The following TMEM232 variants were observed in gnomAD, a reference collection of about 807,000 sequenced individuals.
The protein encoded by TMEM232 is transmembrane protein 232.
TMEM232 carries 80 observed loss-of-function variants against 78.8 expected under a neutral mutation model. The observed-to-expected ratio is 1.01, with a 90% CI of 0.85 to 1.22. The LOEUF is 1.22. TMEM232 is among the 50% of genes most tolerant of loss of function. The pLI, the probability that TMEM232 is intolerant of heterozygous loss-of-function variation, is 0.00. For missense variants in TMEM232, 881 were observed against 742.2 expected, an observed-to-expected ratio of 1.19 and a Z score of -2.17; for synonymous variants, 297 against 254.3, an observed-to-expected ratio of 1.17 and a Z score of -1.60.
intron 11 of TMEM232, among the ~76,000 whole-genome samples, chr5:110,545,195 A>T (rs1240158694): frequency 6.6e-6 from 1 of 152,082 alleles, no homozygotes; most frequent in East Asian, 1.9e-4. Context: ...TAGAAATATT[A>T]GAGCCTTTGA....
rs866883358 is a variant in TMEM232, at chr5:110,655,914, G to A, written c.125+11314C>T. Among the ~76,000 whole-genome samples the A allele has an allele frequency of 5.8e-3, 622 of 107,604 alleles. 5 individuals are homozygous for A. Among genetic ancestry groups the A allele is most frequent in the African/African-American group, 0.021 (580 of 27,632 alleles). 70.6% of individuals were successfully genotyped at this position (107,604 alleles called of 152,430 possible). A position where few individuals can be genotyped will look rare whatever the true frequency, so the allele number is the denominator to read the frequency against. On this transcript the variant is annotated intron_variant, in intron 2 of 13. Transcript: ENST00000455884. Reference sequence around the variant, plus strand: ...CACTCTGGGGACTGTTGTGGGGTGGGGGGAGGGGGGAGGGATAGCATTAGG... The same window carrying A: ...CACTCTGGGGACTGTTGTGGGGTGGAGGGAGGGGGGAGGGATAGCATTAGG...
intron 12 of TMEM232, among the ~76,000 whole-genome samples, chr5:110,467,865 C>G (rs974568544): frequency 2.0e-5 from 3 of 152,138 alleles, no homozygotes; most frequent in Admixed American, 6.5e-5. Context: ...ATCCAAGATT[C>G]TAGTCTAGCA....
chr5:110,407,050 AG>A (rs1755817436), intron 2 of TMEM232, among the ~76,000 whole-genome samples: 1 of 152,132 alleles, frequency 6.6e-6, no homozygotes, highest in Non-Finnish European at 1.5e-5. Flanking sequence ...ATAACTACAA[AG>A]GAAGACAATA....
chr5:110,554,245 A>G (rs559507010), intron 11 of TMEM232, among the ~76,000 whole-genome samples: 50 of 152,250 alleles, frequency 3.3e-4, no homozygotes, highest in African/African-American at 1.1e-3. Context: ...CTAGAATATA[A>G]GCAGGCAGAA....
intron 4 of TMEM232, among the ~76,000 whole-genome samples, chr5:110,389,186 A>G (rs1194031774): frequency 1.3e-5 from 2 of 152,066 alleles, no homozygotes; most frequent in African/African-American, 4.8e-5. Context: ...TCTTGAACCT[A>G]GGAGGCGGAG....
chr5:110,512,576 A>C (rs1035279612), intron 12 of TMEM232, among the ~76,000 whole-genome samples: 2 of 152,182 alleles, frequency 1.3e-5, no homozygotes, highest in African/African-American at 4.8e-5. Context: ...AGTTACTTGG[A>C]AACATCAATT....
chr5:110,599,500 A>G lies in TMEM232; in HGVS notation c.1276+5609T>C, dbSNP rs564668761. Among the ~76,000 whole-genome samples the G allele has an allele frequency of 5.8e-4, 89 of 152,262 alleles. 1 individual carries two copies. In the South Asian group the frequency reaches 0.012, roughly 20 times the overall value. ...CATTTACCAAGCAAATGGAAAGCAA[A>G]AATGCAGGGATTGCAATCCTAGTCT... On this transcript the variant is annotated intron_variant, in intron 10 of 13. Coordinates refer to ENST00000455884, the MANE Select transcript of TMEM232 (RefSeq NM_001039763.4).
intron 11 of TMEM232, among the ~76,000 whole-genome samples, chr5:110,550,034 A>G (rs1394169446): frequency 6.6e-6 from 1 of 152,226 alleles, no homozygotes; most frequent in East Asian, 1.9e-4. Flanking sequence ...TTATGGAACA[A>G]TCACATGCAT....
intron 7 of TMEM232, among the ~76,000 whole-genome samples, chr5:110,619,129 T>C (rs992849478): frequency 3.9e-5 from 6 of 152,154 alleles, no homozygotes; most frequent in African/African-American, 1.4e-4. Context: ...ACTAAAGTAA[T>C]TGGTAGAAAA....
chr5:110,666,643 TTAA>T (rs1490465984), intron 2 of TMEM232: 1 of 152,172 alleles, frequency 6.6e-6, no homozygotes, highest in Non-Finnish European at 1.5e-5. Context: ...ATTCAGTTTT[TTAA>T]TGATATATTT....
intron 2 of TMEM232, among the ~76,000 whole-genome samples, chr5:110,646,431 G>A (rs1269008248): frequency 6.6e-6 from 1 of 151,728 alleles, no homozygotes; most frequent in Non-Finnish European, 1.5e-5. Flanking sequence ...TATATCTACA[G>A]TCAACTGATC....
chr5:110,697,708 C>T (rs1333662777), intron 1 of TMEM232, among the ~76,000 whole-genome samples: 1 of 152,206 alleles, frequency 6.6e-6, no homozygotes, highest in East Asian at 1.9e-4. Context: ...TGCTCATCAT[C>T]ACTGGCCATC....
chr5:110,660,670 T>A (rs894241617), intron 2 of TMEM232, among the ~76,000 whole-genome samples: 2 of 152,116 alleles, frequency 1.3e-5, no homozygotes, highest in Admixed American at 1.3e-4. Context: ...AGATTTACCT[T>A]TTGCTTTATT....
chr5:110,666,284 T>C (rs1194095876), intron 2 of TMEM232, among the ~76,000 whole-genome samples: 1 of 152,186 alleles, frequency 6.6e-6, no homozygotes, highest in Non-Finnish European at 1.5e-5. Context: ...CAATACACAT[T>C]TGATATCATC....
At chr5:110,560,805 G>C (rs925353550) in intron 11 of TMEM232, among the ~76,000 whole-genome samples, 2 of 152,252 alleles carry the variant, frequency 1.3e-5, no homozygotes, top group Non-Finnish European at 2.9e-5. Flanking sequence ...TCTACAGTCA[G>C]GTGAGCGCTA....
chr5:110,680,988 T>A (rs1367859492), intron 1 of TMEM232, among the ~76,000 whole-genome samples: 2 of 150,972 alleles, frequency 1.3e-5, no homozygotes, highest in Non-Finnish European at 3.0e-5. Flanking sequence ...AAGAGAAGGG[T>A]GAGGGCAGAG....
intron 10 of TMEM232, among the ~76,000 whole-genome samples, chr5:110,596,274 T>C (rs1780151026): frequency 1.3e-5 from 2 of 152,112 alleles, no homozygotes; most frequent in African/African-American, 4.8e-5. Context: ...AAGAAATGGA[T>C]AAATTCCTCG....
intron 12 of TMEM232, among the ~76,000 whole-genome samples, chr5:110,463,303 A>G (rs189759933): frequency 6.6e-6 from 1 of 152,344 alleles, no homozygotes; most frequent in Non-Finnish European, 1.5e-5. Flanking sequence ...AGCATTTTTT[A>G]ACAACTAAAT....
intron 12 of TMEM232, among the ~76,000 whole-genome samples, chr5:110,515,513 T>A (rs1034516625): frequency 3.9e-5 from 6 of 152,278 alleles, no homozygotes; most frequent in Admixed American, 2.6e-4. Context: ...TATAAGAAGG[T>A]AGAGTAGCAG....
Sources: gnomAD v4.1 joint callset for allele counts (sites outside exome capture counted in the v4.1 genomes callset) on GRCh38, gnomAD v4.1.1 for gene constraint, MANE v1.5 for transcripts, NCBI Gene and HGNC (gene_info 2026-07-23, HGNC 2026-07-21) for gene names.